The following C8orf34 variants were observed in gnomAD, a reference collection of about 807,000 sequenced individuals.
The protein encoded by C8orf34 is chromosome 8 open reading frame 34, also known as uncharacterized protein C8orf34.
C8orf34 carries 65 observed loss-of-function variants against 68.3 expected under a neutral mutation model. The ratio of observed to expected loss-of-function variants is 0.95; its 90% CI spans 0.78 to 1.17. The LOEUF (loss-of-function observed/expected upper bound fraction) is 1.17. Among genes scored for constraint, C8orf34 ranks in the 50% most tolerant of loss-of-function variants. The pLI is 0.00. For synonymous variants in C8orf34, 244 were observed against 241.2 expected (o/e 1.01, Z -0.11); for missense variants, 664 against 655.4 (o/e 1.01, Z -0.14).
At chr8:68,806,841 T>A (rs1185537421) in intron 12 of C8orf34, among the ~76,000 whole-genome samples, 1 of 152,202 alleles carries the variant, frequency 6.6e-6, no homozygotes, top group East Asian at 1.9e-4. Flanking sequence ...ACTCACTCAT[T>A]TAGTACATAT....
intron 8 of C8orf34, among the ~76,000 whole-genome samples, chr8:68,689,005 A>C (rs759934506): frequency 1.3e-5 from 2 of 152,076 alleles, no homozygotes; most frequent in African/African-American, 2.4e-5. Flanking sequence ...AAAACAAAAC[A>C]AAACAAACAA....
chr8:68,753,851 T>C (rs1369092640), intron 10 of C8orf34, among the ~76,000 whole-genome samples: 3 of 152,204 alleles, frequency 2.0e-5, no homozygotes, highest in Admixed American at 2.0e-4. Context: ...CACTTTGATC[T>C]GTCATGCATG....
rs75284677 is a variant in C8orf34 at position 68,490,758 on chromosome 8, C to G, written c.765+2707C>G. On this transcript the variant is annotated intron_variant, in intron 5 of 13. Coordinates refer to ENST00000518698, the MANE Select transcript of C8orf34 (RefSeq NM_052958.4). ...ATCTGATTTTTGGAGTGCTAGATAACAGAAAGGAGTCACAGGCTTCCAGAG... is the reference window on the plus strand; with the variant it reads ...ATCTGATTTTTGGAGTGCTAGATAAGAGAAAGGAGTCACAGGCTTCCAGAG... Among the ~76,000 whole-genome samples the G allele has an allele frequency of 7.9e-3, 1,208 of 152,052 alleles. 20 individuals carry two copies. Among genetic ancestry groups the G allele is most frequent in the African/African-American group, 0.028 (1,143 of 41,464 alleles).
intron 2 of C8orf34, among the ~76,000 whole-genome samples, chr8:68,440,994 C>T (rs927218446): frequency 6.6e-5 from 10 of 152,062 alleles, no homozygotes; most frequent in East Asian, 3.9e-4. Context: ...TTAGTAGAGA[C>T]GGGGTTTCAC....
At chr8:68,482,646 A>T (rs978406979) in intron 4 of C8orf34, among the ~76,000 whole-genome samples, 1 of 152,168 alleles carries the variant, frequency 6.6e-6, no homozygotes, top group African/African-American at 2.4e-5. Context: ...TTTTACTTAC[A>T]CAGGTATTTT....
intron 1 of C8orf34, among the ~76,000 whole-genome samples, chr8:68,376,749 G>C (rs72664917): frequency 2.0e-5 from 3 of 151,944 alleles, no homozygotes; most frequent in African/African-American, 7.3e-5. Context: ...AACCCATACT[G>C]AGTTCTTCGT....
intron 8 of C8orf34, among the ~76,000 whole-genome samples, chr8:68,675,106 A>G (rs1820140769): frequency 6.6e-6 from 1 of 152,170 alleles, no homozygotes; most frequent in Non-Finnish European, 1.5e-5. Flanking sequence ...GACAAAGAAA[A>G]GTTGAAAGAT....
chr8:68,811,586 T>G (rs1026633741), intron 12 of C8orf34, among the ~76,000 whole-genome samples: 2 of 152,214 alleles, frequency 1.3e-5, no homozygotes, highest in Non-Finnish European at 2.9e-5. Context: ...CTGCAATCAC[T>G]AACATTAAAT....
At chr8:68,451,925 C>T (rs1035718735) in intron 3 of C8orf34, among the ~76,000 whole-genome samples, 2 of 151,934 alleles carry the variant, frequency 1.3e-5, no homozygotes, top group African/African-American at 4.8e-5. Flanking sequence ...AAGTGAAATA[C>T]AGTAAAGCAA....
chr8:68,490,520 A>G (rs977699650), intron 5 of C8orf34, among the ~76,000 whole-genome samples: 1 of 152,162 alleles, frequency 6.6e-6, no homozygotes, highest in African/African-American at 2.4e-5. Context: ...GCAGTAGCTC[A>G]GGGGAATATC....
intron 1 of C8orf34, chr8:68,438,192 G>A (rs916559107): frequency 2.0e-5 from 3 of 151,906 alleles, no homozygotes; most frequent in African/African-American, 4.8e-5. Context: ...GCCCTACAGA[G>A]AAAACTGATA....
At chr8:68,678,201 C>G (rs749331647) in intron 8 of C8orf34, among the ~76,000 whole-genome samples, 5 of 138,780 alleles carry the variant, frequency 3.6e-5, no homozygotes, top group African/African-American at 1.4e-4. Flanking sequence ...GGAATACTTC[C>G]AAACTCATTC....
intron 1 of C8orf34, among the ~76,000 whole-genome samples, chr8:68,422,167 T>A (rs1810008165): frequency 1.3e-5 from 2 of 152,172 alleles, no homozygotes; most frequent in Admixed American, 6.5e-5. Flanking sequence ...CACAATCATG[T>A]GTGTCCAACA....
intron 9 of C8orf34, among the ~76,000 whole-genome samples, chr8:68,714,713 A>C (rs1229097502): frequency 6.6e-6 from 1 of 152,168 alleles, no homozygotes; most frequent in Non-Finnish European, 1.5e-5. Context: ...AGCAATCTAC[A>C]AATTCAATGA....
intron 7 of C8orf34, among the ~76,000 whole-genome samples, chr8:68,574,103 T>G (rs146707468): frequency 2.4e-3 from 370 of 152,238 alleles, no homozygotes; most frequent in African/African-American, 7.9e-3. Context: ...AAAACTATCA[T>G]ATGTTATGAA....
intron 7 of C8orf34, among the ~76,000 whole-genome samples, chr8:68,603,395 C>A (rs1817756633): frequency 6.6e-6 from 1 of 152,010 alleles, no homozygotes; most frequent in African/African-American, 2.4e-5. Context: ...TGACTATATT[C>A]ATAATATCTT....
chr8:68,375,730 C>T (rs915312445), intron 1 of C8orf34, among the ~76,000 whole-genome samples: 2 of 152,168 alleles, frequency 1.3e-5, no homozygotes, highest in African/African-American at 4.8e-5. Flanking sequence ...TGTGTCTTAC[C>T]TTGACCTACT....
At chr8:68,662,804 T>A (rs928985600) in intron 8 of C8orf34, among the ~76,000 whole-genome samples, 1 of 152,142 alleles carries the variant, frequency 6.6e-6, no homozygotes, top group African/African-American at 2.4e-5. Flanking sequence ...CAAGAGTCAA[T>A]AGCACAAGAG....
intron 1 of C8orf34, among the ~76,000 whole-genome samples, chr8:68,352,453 A>G (rs1456556221): frequency 6.6e-6 from 1 of 152,082 alleles, no homozygotes; most frequent in Non-Finnish European, 1.5e-5. Context: ...TTGCTAAACA[A>G]TAATTTTTAT....
Sources: gnomAD v4.1 joint callset for allele counts (sites outside exome capture counted in the v4.1 genomes callset) on GRCh38, gnomAD v4.1.1 for gene constraint, MANE v1.5 for transcripts, NCBI Gene and HGNC (gene_info 2026-07-23, HGNC 2026-07-21) for gene names.